The following ADRM1 variants were observed in gnomAD, a reference collection of about 807,000 sequenced individuals.
ADRM1 encodes the protein proteasomal ubiquitin receptor ADRM1.
A neutral mutation model predicts 40.1 loss-of-function variants in ADRM1; 2 were observed. That is an observed-to-expected ratio of 0.05 (90% CI 0.02 to 0.16). ADRM1 has a LOEUF of 0.16. Ranked by LOEUF, ADRM1 falls within the 10% of genes least tolerant of loss-of-function variation. The pLI, the probability that ADRM1 is intolerant of heterozygous loss-of-function variation, is 1.00. For missense variants in ADRM1, 467 were observed against 552.5 expected (o/e 0.85, Z 1.55); for synonymous variants, 287 against 240.4 (o/e 1.19, Z -1.79).
chr20:62,304,600 G>C, intron 3 of ADRM1, 23 bp downstream of exon 3: 1 of 1,606,694 alleles, frequency 6.2e-7, no homozygotes. Flanking sequence ...CCTTGGGGTT[G>C]TGCCTTTTTG....
chr20:62,303,770 A>G lies in ADRM1; in HGVS notation c.202A>G (p.Asn68Asp). Reference sequence around the variant, plus strand: ...CTGCTGGAAGGACAGGACGTCCGGGAACGTGGAAGACGTGAGTGTCCCTGA... The same window carrying G: ...CTGCTGGAAGGACAGGACGTCCGGGGACGTGGAAGACGTGAGTGTCCCTGA... Reference protein sequence around the residue: ...HFCWKDRTSGNVEDDLIIFPD... With the variant: ...HFCWKDRTSGDVEDDLIIFPD... The change falls in exon 2 of 10, where the codon AAC becomes GAC. Residue 68 changes from asparagine (N) to aspartate (D), a missense_variant. By Grantham distance (23) the Asn-to-Asp change is conservative. Coordinates refer to ENST00000253003, the MANE Select transcript of ADRM1 (RefSeq NM_007002.4). 6.2e-7 allele frequency: 1 copy of G among 1,610,810 alleles called. No homozygotes were observed. Among genetic ancestry groups the G allele is most frequent in the Non-Finnish European group, 8.5e-7 (1 of 1,179,798 alleles).
chr20:62,306,499 C>A, intron 4 of ADRM1, 149 bp from the exon 5 acceptor site: 1 of 1,279,704 alleles, frequency 7.8e-7, no homozygotes, highest in Non-Finnish European at 1.1e-6. Context: ...TAGGACGGGT[C>A]TGCATCCCAC....
chr20:62,305,501 G>A (rs996455014), intron 3 of ADRM1: 4 of 151,272 alleles, frequency 2.6e-5, no homozygotes, highest in Middle Eastern at 3.4e-3. Flanking sequence ...GGTGTAGAAC[G>A]TGTTTTTCCA....
In ADRM1 at chr20:62,306,319, C is replaced by T. The variant is rs372137644; in HGVS notation, c.453C>T (p.Gly151=). Residue 151 remains glycine, a splice_region_variant and synonymous_variant, in exon 4 of 10, where the codon GGC becomes GGT. Transcript: ENST00000253003. ...GCGGCCACGAACTCTCTGCGCTAGG[C>T]GGTAACTGTCACATGTGTCACGTGA... ...GSSGHELSAL[G]GEGGLQSLLG... 2.6e-5 allele frequency: 42 copies of T among 1,612,586 alleles called. No individual in the cohort carries two copies. In the African/African-American group the frequency reaches 4.0e-4, roughly 15 times the overall value.
At chr20:62,304,603 C>T in intron 3 of ADRM1, 26 bp downstream of exon 3, 1 of 1,603,092 alleles carries the variant, frequency 6.2e-7, no homozygotes, top group Non-Finnish European at 8.5e-7. Flanking sequence ...TGGGGTTGTG[C>T]CTTTTTGTTG....
chr20:62,306,615 G>A (rs1330030888), intron 4 of ADRM1, 33 bp from the exon 5 acceptor site: 4 of 1,578,066 alleles, frequency 2.5e-6, no homozygotes, highest in Non-Finnish European at 2.6e-6. Flanking sequence ...GATCTGGCTG[G>A]GGCAGGCCCG....
Position 62,306,632 on chromosome 20 carries a change from C to A in ADRM1, c.455-16C>A. 6.3e-7 allele frequency: 1 copy of A among 1,599,150 alleles called. No individual in the cohort carries two copies. Among genetic ancestry groups the A allele is most frequent in the South Asian group, 1.1e-5 (1 of 89,208 alleles). Reference sequence around the variant, plus strand: ...TCTGGCTGGGGCAGGCCCGCCTGAGCTGCAGTGTTTTCCAGGTGAGGGTGG... The same window carrying A: ...TCTGGCTGGGGCAGGCCCGCCTGAGATGCAGTGTTTTCCAGGTGAGGGTGG... On this transcript the variant is annotated splice_polypyrimidine_tract_variant and intron_variant, in intron 4 of 9. Transcript: ENST00000253003.
rs549148477 is a variant in ADRM1 at position 62,307,290 on chromosome 20, C to G, written c.542-81C>G. The G allele has an allele frequency of 8.1e-6, 11 of 1,362,006 alleles. No individual in the cohort carries two copies. The East Asian group carries it at 2.7e-4, about 33-fold the overall frequency. The allele number at this position is 1,362,006 out of a possible 1,614,324, so 84.4% of individuals were successfully genotyped here. On this transcript the variant is annotated intron_variant, in intron 5 of 9. Coordinates refer to ENST00000253003, the MANE Select transcript of ADRM1 (RefSeq NM_007002.4). ...CTGGCTTTGGTGTTGGGAATTCCTG[C>G]TCCTCTGGCCTGGGGAGGGGCCAGG...
intron 1 of ADRM1, 38 bp from the exon 2 acceptor site, chr20:62,303,530 G>C (rs536896901): frequency 6.5e-7 from 1 of 1,538,476 alleles, no homozygotes; most frequent in African/African-American, 1.4e-5. Context: ...GCAGGCGACA[G>C]TGACCGCCGC....
intron 2 of ADRM1, chr20:62,304,115 C>CA: frequency 4.1e-6 from 2 of 486,768 alleles, no homozygotes; most frequent in Non-Finnish European, 7.4e-6. Context: ...CGGCTTCACT[C>CA]AGTCTTCTTT....
chr20:62,306,536 C>T (rs1013188131), intron 4 of ADRM1, 112 bp from the exon 5 acceptor site: 3 of 1,318,326 alleles, frequency 2.3e-6, no homozygotes, highest in African/African-American at 2.9e-5. Context: ...GTGGTGCCCC[C>T]TGTAGGGTTC....
chr20:62,304,154 TA>T, intron 2 of ADRM1: 1 of 479,336 alleles, frequency 2.1e-6, no homozygotes, highest in South Asian at 2.3e-5. Context: ...TGTTCTTTGT[TA>T]CATTTGAGAG....
At position 62,304,441 on chromosome 20, in the gene ADRM1, C is replaced by G. The variant is rs771445886; in HGVS notation, c.214-20C>G. ...TGATGCCATCTGCGCCACTGACTCT[C>G]TCTTCCCCTGGCTTGCCAGGACTTG... On this transcript the variant is annotated intron_variant, in intron 2 of 9. Transcript: ENST00000253003. The G allele has an allele frequency of 1.2e-6, 2 of 1,603,782 alleles. No homozygotes were observed. The highest frequency in any genetic ancestry group is 2.7e-5 in the African/African-American group (2 of 74,738).
At position 62,307,392 on chromosome 20, in the gene ADRM1, G is replaced by T. The variant is rs1699626948; in HGVS notation, c.563G>T (p.Gly188Val). 14 of 1,603,716 alleles carry T rather than the reference G, an allele frequency of 8.7e-6. No individual in the cohort carries two copies. Among genetic ancestry groups the T allele is most frequent in the Non-Finnish European group, 1.2e-5 (14 of 1,177,424 alleles). The change falls in exon 6 of 10, where the codon GGA becomes GTA. Residue 188 changes from glycine to valine, a missense_variant. Physicochemically the swap from Gly to Val is moderately radical, Grantham distance 109. This residue lies in a region of ADRM1 where 418 missense variants were observed against 474.6 expected (regional missense o/e 0.88). Coordinates refer to ENST00000253003, the MANE Select transcript of ADRM1 (RefSeq NM_007002.4). ...GCAGGTGGGCTGGGGGCCCTGACTG[G>T]ACCTGGCCTGGCCAGCTTACTGGGG... ...GGLGGLGALT[G>V]PGLASLLGSS...
Position 62,307,811 on chromosome 20 carries a change from C to T in ADRM1, c.839C>T (p.Pro280Leu), listed in dbSNP as rs752190888. 1.1e-5 allele frequency: 18 copies of T among 1,608,094 alleles called. No homozygotes were observed. In the East Asian group the frequency reaches 2.0e-4, roughly 18 times the overall value. ...ILATMNVPAG[P>L]AGGQQVDLAS... ...GCCACGATGAACGTACCAGCCGGGC[C>T]AGCAGGCGGCCAGCAAGGTAACGTG... The change falls in exon 7 of 10, where the codon CCA becomes CTA. Residue 280 changes from proline (P) to leucine (L), a missense_variant. Transcript: ENST00000253003.
chr20:62,303,592 T>C lies in ADRM1; in HGVS notation c.24T>C (p.Phe8=), dbSNP rs2145996286. 6.3e-7 allele frequency: 1 copy of C among 1,597,488 alleles called. No individual in the cohort carries two copies. Among genetic ancestry groups the C allele is most frequent in the East Asian group, 2.2e-5 (1 of 44,554 alleles). The part of the protein sequence containing the change: MTTSGAL[F]PSLVPGSRGA... The stretch of plus-strand genomic sequence containing the variant: ...GGATGACGACCTCAGGCGCGCTCTT[T>C]CCAAGCCTGGTGCCAGGCTCTCGGG... The change falls in exon 2 of 10, where the codon TTT becomes TTC. Residue 8 remains phenylalanine, a synonymous_variant. Coordinates refer to ENST00000253003, the MANE Select transcript of ADRM1 (RefSeq NM_007002.4).
chr20:62,305,386 C>A, intron 3 of ADRM1: 1 of 152,486 alleles, frequency 6.6e-6, no homozygotes. Context: ...TGCTGGTCAC[C>A]TGTGCAAGTA....
Position 62,306,703 on chromosome 20 carries a change from G to A in ADRM1, c.510G>A (p.Gln170=), listed in dbSNP as rs764559775. 6.2e-7 allele frequency: 1 copy of A among 1,609,688 alleles called. No homozygotes were observed. Among genetic ancestry groups the A allele is most frequent in the South Asian group, 1.1e-5 (1 of 90,568 alleles). The change falls in exon 5 of 10, where the codon CAG becomes CAA. Residue 170 remains glutamine, a synonymous_variant. Transcript: ENST00000253003. ...LGNMSHSQLM[Q]LIGPAGLGGL... is the part of the protein sequence containing the mutation. ...ACATGAGCCACAGCCAGCTCATGCA[G>A]CTCATCGGACCAGCCGGCCTTGGAG...
At chr20:62,307,269 C>A in intron 5 of ADRM1, 102 bp from the exon 6 acceptor site, 2 of 1,188,332 alleles carry the variant, frequency 1.7e-6, no homozygotes, top group Non-Finnish European at 2.3e-6. Flanking sequence ...TTCTTCCTGG[C>A]TTTGGTGTTG....
Sources: allele counts gnomAD v4.1 joint callset, GRCh38; gene constraint gnomAD v4.1.1; regional missense constraint gnomAD v4.1.1; transcripts MANE v1.5; gene names NCBI Gene and HGNC (gene_info 2026-07-23, HGNC 2026-07-21).